The following ESR1 variants were observed in gnomAD, a reference collection of about 807,000 sequenced individuals.
The protein encoded by ESR1 is estrogen receptor 1.
In ESR1, 12 loss-of-function variants were observed where a neutral mutation model predicts 52.7. The observed-to-expected ratio is 0.23, with a 90% CI of 0.15 to 0.37. The LOEUF (loss-of-function observed/expected upper bound fraction) is 0.37. ESR1 is among the 10% of genes least tolerant of loss of function. ESR1 has a pLI of 1.00. For synonymous variants in ESR1, 305 were observed against 316.8 expected (o/e 0.96, Z 0.39); for missense variants, 584 against 779.7 (o/e 0.75, Z 2.99).
chr6:151,684,089 AGAG>A (rs1009469168), intron 1 of ESR1, among the ~76,000 whole-genome samples: 6 of 152,170 alleles, frequency 3.9e-5, no homozygotes, highest in South Asian at 2.1e-4. Flanking sequence ...TTGCTGGCAC[AGAG>A]GAGATGCTTC....
At position 151,807,852 on chromosome 6, in the gene ESR1, C is replaced by A. The variant is rs1203973980; in HGVS notation, c.-61C>A. The A allele has an allele frequency of 6.8e-7, 1 of 1,476,630 alleles. No homozygotes were observed. Among genetic ancestry groups the A allele is most frequent in the Non-Finnish European group, 9.4e-7 (1 of 1,064,866 alleles). The allele number at this position is 1,476,630 out of a possible 1,614,324, so 91.5% of individuals were successfully genotyped here. ...TGTGCTCTTTTTCCAGGTGGCCCGC[C>A]GGTTTCTGAGCCTTCTGCCCTGCGG... On this transcript the variant is annotated 5_prime_UTR_variant, in exon 1 of 8. Coordinates refer to ENST00000206249, the MANE Select transcript of ESR1 (RefSeq NM_000125.4).
intron 4 of ESR1, among the ~76,000 whole-genome samples, chr6:152,002,114 C>T (rs534468377): frequency 1.3e-5 from 2 of 151,892 alleles, no homozygotes; most frequent in Admixed American, 1.3e-4. Context: ...GTTTTTTGCT[C>T]TTAATCCATT....
intron 6 of ESR1, among the ~76,000 whole-genome samples, chr6:152,080,180 A>G (rs375709364): frequency 1.3e-5 from 2 of 152,156 alleles, no homozygotes; most frequent in Non-Finnish European, 2.9e-5. Context: ...CAACCCCAAG[A>G]CACATAATTT....
intron 3 of ESR1, among the ~76,000 whole-genome samples, chr6:151,942,120 T>C (rs2035142423): frequency 6.6e-6 from 1 of 152,214 alleles, no homozygotes; most frequent in African/African-American, 2.4e-5. Context: ...ATTCAGATAT[T>C]GTGATCTAAT....
intron 2 of ESR1, among the ~76,000 whole-genome samples, chr6:151,757,372 C>G (rs1562381775): frequency 6.6e-6 from 1 of 152,204 alleles, no homozygotes; most frequent in Admixed American, 6.5e-5. Flanking sequence ...TTTTATTACT[C>G]ATCTCTATAA....
chr6:151,770,440 G>T (rs1390894899), intron 2 of ESR1, among the ~76,000 whole-genome samples: 1 of 151,942 alleles, frequency 6.6e-6, no homozygotes, highest in Non-Finnish European at 1.5e-5. Flanking sequence ...ACTAATAAAG[G>T]CAGGCATAAT....
chr6:152,119,808 C>G (rs1464002571), intron 6 of ESR1, among the ~76,000 whole-genome samples: 1 of 152,160 alleles, frequency 6.6e-6, no homozygotes, highest in Admixed American at 6.5e-5. Flanking sequence ...CTCATGGCCC[C>G]ATACCCATCT....
chr6:151,712,561 C>T (rs1482703030), intron 2 of ESR1, among the ~76,000 whole-genome samples: 1 of 152,100 alleles, frequency 6.6e-6, no homozygotes, highest in Non-Finnish European at 1.5e-5. Flanking sequence ...CTTCACTTCC[C>T]TTGTAAGTTG....
intron 4 of ESR1, among the ~76,000 whole-genome samples, chr6:151,987,690 G>A (rs75460696): frequency 0.023 from 3,546 of 152,122 alleles, 71 homozygotes; most frequent in South Asian, 0.072. Context: ...GATTACAAGC[G>A]TAAGCCACCA....
At chr6:151,735,365 A>G (rs1238702822) in intron 2 of ESR1, among the ~76,000 whole-genome samples, 2 of 152,174 alleles carry the variant, frequency 1.3e-5, no homozygotes, top group African/African-American at 4.8e-5. Flanking sequence ...GAGAGTTGGT[A>G]AAAAGTTTTG....
chr6:152,083,157 G>A (rs2049379914), intron 6 of ESR1, among the ~76,000 whole-genome samples: 2 of 152,122 alleles, frequency 1.3e-5, no homozygotes, highest in Non-Finnish European at 2.9e-5. Context: ...GCATAGCCAA[G>A]ACAATCCTAA....
chr6:151,722,220 T>C (rs1781511001), intron 2 of ESR1, among the ~76,000 whole-genome samples: 1 of 152,240 alleles, frequency 6.6e-6, no homozygotes. Flanking sequence ...TGAAGGCTTG[T>C]GCTTCAGCAC....
intron 6 of ESR1, among the ~76,000 whole-genome samples, chr6:152,109,891 C>T (rs2051111623): frequency 6.6e-6 from 1 of 152,142 alleles, no homozygotes; most frequent in Non-Finnish European, 1.5e-5. Context: ...GATCCATAAC[C>T]ATGAAGCTAC....
rs183131809 is a variant in ESR1 at position 151,857,519 on chromosome 6, A to C, written c.643+14732A>C. 9.2e-5 allele frequency among the ~76,000 whole-genome samples: 14 copies of C among 151,734 alleles called. No individual in the cohort carries two copies. In the East Asian group the frequency reaches 2.7e-3, roughly 29 times the overall value. On this transcript the variant is annotated intron_variant, in intron 2 of 7. Transcript: ENST00000206249. ...CACACACACACACACACCAATGTGT[A>C]TATACTTTTTTTTCTTTTTTTTAAT... is the stretch of plus-strand genomic sequence containing the variant.
chr6:152,058,859 T>C (rs2047317448), intron 5 of ESR1, among the ~76,000 whole-genome samples: 1 of 152,200 alleles, frequency 6.6e-6, no homozygotes, highest in South Asian at 2.1e-4. Context: ...GAGTTCTTTC[T>C]TTTGGTTGAT....
intron 6 of ESR1, among the ~76,000 whole-genome samples, chr6:152,093,964 A>G (rs1485970814): frequency 6.6e-6 from 1 of 152,154 alleles, no homozygotes; most frequent in African/African-American, 2.4e-5. Flanking sequence ...CGAGTTCCCT[A>G]GCAGGTTAGT....
intron 2 of ESR1, among the ~76,000 whole-genome samples, chr6:151,787,490 T>C (rs1435708353): frequency 6.6e-6 from 1 of 152,210 alleles, no homozygotes; most frequent in African/African-American, 2.4e-5. Flanking sequence ...GGAATGTTTT[T>C]TCCATTTGTT....
At chr6:151,855,486 C>A (rs1427545912) in intron 2 of ESR1, among the ~76,000 whole-genome samples, 1 of 152,136 alleles carries the variant, frequency 6.6e-6, no homozygotes, top group Non-Finnish European at 1.5e-5. Context: ...TGTTGAAGTT[C>A]TTCACATTCT....
intron 1 of ESR1, among the ~76,000 whole-genome samples, chr6:151,682,014 T>C (rs998869779): frequency 1.3e-5 from 2 of 152,112 alleles, no homozygotes; most frequent in African/African-American, 4.8e-5. Context: ...AGTTAAAACA[T>C]CTGGAGTTAC....
Sources: allele counts gnomAD v4.1 joint callset (sites outside exome capture counted in the v4.1 genomes callset), GRCh38; gene constraint gnomAD v4.1.1; transcripts MANE v1.5; gene names NCBI Gene and HGNC (gene_info 2026-07-23, HGNC 2026-07-21).